Variants in TTLL11 observed in about 807,000 individuals in gnomAD.
TTLL11 encodes tubulin polyglutamylase TTLL11.
TTLL11 carries 42 observed loss-of-function variants against 51.7 expected under a neutral mutation model. The observed-to-expected ratio is 0.81, with a 90% CI of 0.64 to 1.05. The LOEUF (loss-of-function observed/expected upper bound fraction) is 1.05. Among genes scored for constraint, TTLL11 ranks in the 50% least tolerant of loss-of-function variants. The probability of loss-of-function intolerance (pLI) is 0.00; values close to 1 mark genes in which losing one functional copy is unlikely to be tolerated. For synonymous variants in TTLL11, 381 were observed against 383.5 expected (o/e 0.99, Z 0.08); for missense variants, 799 against 940.4 (o/e 0.85, Z 1.97).
chr9:122,062,132 A>G (rs1385557287), intron 1 of TTLL11, among the ~76,000 whole-genome samples: 1 of 152,184 alleles, frequency 6.6e-6, no homozygotes, highest in Non-Finnish European at 1.5e-5. Context: ...TATTAAATAT[A>G]GTAGCCAATC....
chr9:121,970,962 A>G (rs1054610196), intron 6 of TTLL11, among the ~76,000 whole-genome samples: 1 of 152,222 alleles, frequency 6.6e-6, no homozygotes, highest in African/African-American at 2.4e-5. Context: ...ATGCCCATCA[A>G]TGATAGACTG....
chr9:122,031,075 G>A (rs925815886), intron 3 of TTLL11, among the ~76,000 whole-genome samples: 26 of 152,180 alleles, frequency 1.7e-4, no homozygotes, highest in Non-Finnish European at 2.9e-5. Flanking sequence ...CCAGAGTTAT[G>A]GGACAGACTG....
intron 4 of TTLL11, among the ~76,000 whole-genome samples, chr9:121,985,207 G>A (rs1346652168): frequency 6.6e-6 from 1 of 152,204 alleles, no homozygotes; most frequent in African/African-American, 2.4e-5. Flanking sequence ...GAGAGGGGCT[G>A]TGTGGCAAAG....
chr9:121,894,176 G>A (rs976700595), intron 6 of TTLL11, among the ~76,000 whole-genome samples: 1 of 152,218 alleles, frequency 6.6e-6, no homozygotes, highest in Non-Finnish European at 1.5e-5. Flanking sequence ...CCTGCAAGGA[G>A]CCTACAGCCT....
chr9:121,850,557 G>A (rs890499642), intron 8 of TTLL11, among the ~76,000 whole-genome samples: 12 of 152,156 alleles, frequency 7.9e-5, no homozygotes, highest in Non-Finnish European at 1.6e-4. Context: ...GAGGAGTGGG[G>A]AGGTGGTGGG....
intron 6 of TTLL11, among the ~76,000 whole-genome samples, chr9:121,888,404 T>C (rs1839097437): frequency 6.6e-6 from 1 of 152,230 alleles, no homozygotes; most frequent in Non-Finnish European, 1.5e-5. Context: ...ACTTAGGTTT[T>C]AGGGCTCAGG....
At chr9:121,830,660 G>C (rs544784917) in intron 8 of TTLL11, among the ~76,000 whole-genome samples, 3 of 152,148 alleles carry the variant, frequency 2.0e-5, no homozygotes, top group African/African-American at 7.2e-5. Flanking sequence ...CTGAGAAACC[G>C]CACAGCCCCA....
rs1396406680 is a variant in TTLL11, at chr9:121,820,731, C to A, written c.*1856G>T. Among the ~76,000 whole-genome samples the A allele has an allele frequency of 6.6e-6, 1 of 151,872 alleles. No individual in the cohort carries two copies. The highest frequency in any genetic ancestry group is 1.5e-5 in the Non-Finnish European group (1 of 67,982). ...CTGAGCCGATGACACCTCCACAGTG[C>A]CCCATGTAGAGAACACTCGACACAC... On this transcript the variant is annotated 3_prime_UTR_variant, in exon 9 of 9. Transcript: ENST00000321582.
chr9:121,884,264 A>T (rs1838913765), intron 6 of TTLL11, among the ~76,000 whole-genome samples: 1 of 152,146 alleles, frequency 6.6e-6, no homozygotes, highest in Admixed American at 6.5e-5. Context: ...ACCCATTCAA[A>T]TCAATTATTA....
chr9:121,933,226 G>A (rs1241744464), intron 6 of TTLL11, among the ~76,000 whole-genome samples: 1 of 152,180 alleles, frequency 6.6e-6, no homozygotes, highest in African/African-American at 2.4e-5. Flanking sequence ...TGGAGCCTAC[G>A]GAAGGGAGAA....
At chr9:121,921,080 A>G (rs1840523166) in intron 6 of TTLL11, among the ~76,000 whole-genome samples, 1 of 152,256 alleles carries the variant, frequency 6.6e-6, no homozygotes, top group East Asian at 1.9e-4. Context: ...AAGAGAGGTG[A>G]ATTTTTTAGT....
intron 8 of TTLL11, among the ~76,000 whole-genome samples, chr9:121,838,890 C>A (rs766791299): frequency 2.7e-5 from 4 of 148,114 alleles, no homozygotes; most frequent in Non-Finnish European, 5.9e-5. Context: ...TCTTGCCCTG[C>A]CCACCTTTCT....
intron 6 of TTLL11, among the ~76,000 whole-genome samples, chr9:121,889,478 C>A (rs1219564465): frequency 1.3e-5 from 2 of 152,170 alleles, no homozygotes; most frequent in African/African-American, 4.8e-5. Context: ...ATCTCCAGAA[C>A]TTTTCTCATA....
chr9:121,895,547 G>C (rs1483821990), intron 6 of TTLL11, among the ~76,000 whole-genome samples: 1 of 150,408 alleles, frequency 6.6e-6, no homozygotes, highest in East Asian at 2.0e-4. Context: ...GTGTTTCGTT[G>C]TACATATGTG....
At chr9:121,922,600 T>C (rs561015075) in intron 6 of TTLL11, among the ~76,000 whole-genome samples, 1 of 152,302 alleles carries the variant, frequency 6.6e-6, no homozygotes, top group East Asian at 1.9e-4. Flanking sequence ...AAAATGGATT[T>C]TTTTCTCACT....
intron 6 of TTLL11, among the ~76,000 whole-genome samples, chr9:121,945,184 C>T (rs925219215): frequency 2.6e-5 from 4 of 151,982 alleles, no homozygotes; most frequent in Non-Finnish European, 2.9e-5. Flanking sequence ...GTGCTGTCTC[C>T]GGAAAATACA....
rs906787371 is a variant in TTLL11, at chr9:121,822,702, G to A, written c.2018C>T (p.Pro673Leu). The change falls in exon 9 of 9, where the codon CCA becomes CTA. Residue 673 changes from proline (P) to leucine (L), a missense_variant. Around this residue, in one of 3 missense-constraint regions of TTLL11, gnomAD observed 165 missense variants for 166.1 expected, o/e 0.99. Coordinates refer to ENST00000321582, the MANE Select transcript of TTLL11 (RefSeq NM_001139442.2). This position sits in a 1 kb window ranked among gnomAD's most constrained non-coding sequence, Gnocchi z 5.8. The part of the protein sequence containing the change: ...GRGVPSGGRP[P>L]HRGPPQEPSP... ...GGGCTCCTGGGGAGGGCCACGGTGT[G>A]GGGGCCGGCCCCCCGACGGGACGCC... is the stretch of plus-strand genomic sequence containing the variant. 2.6e-6 allele frequency: 4 copies of A among 1,549,772 alleles called. No homozygotes were observed. Among genetic ancestry groups the A allele is most frequent in the South Asian group, 1.2e-5 (1 of 83,942 alleles).
At chr9:122,050,465 G>A (rs1845128792) in intron 1 of TTLL11, among the ~76,000 whole-genome samples, 1 of 152,090 alleles carries the variant, frequency 6.6e-6, no homozygotes, top group South Asian at 2.1e-4. Context: ...TGTCTTACGG[G>A]GCATTAATGT....
At chr9:121,953,567 G>C in intron 6 of TTLL11, among the ~76,000 whole-genome samples, 1 of 149,374 alleles carries the variant, frequency 6.7e-6, no homozygotes, top group Non-Finnish European at 1.5e-5. Flanking sequence ...AGGAGGCGGA[G>C]GTTTGCAGTG....
Sources: allele counts gnomAD v4.1 joint callset (sites outside exome capture counted in the v4.1 genomes callset), GRCh38; gene constraint gnomAD v4.1.1; regional missense constraint gnomAD v4.1.1; non-coding constraint Gnocchi (gnomAD v3.1); transcripts MANE v1.5; gene names NCBI Gene and HGNC (gene_info 2026-07-23, HGNC 2026-07-21).